TTC39C: variants seen among roughly 807,000 people sequenced by gnomAD.
The protein encoded by TTC39C is tetratricopeptide repeat protein 39C.
TTC39C carries 33 observed loss-of-function variants against 76.3 expected under a neutral mutation model. That is an observed-to-expected ratio of 0.43 (90% CI 0.33 to 0.58). TTC39C has a LOEUF of 0.58. Ranked by LOEUF, TTC39C falls within the 20% of genes least tolerant of loss-of-function variation. TTC39C has a pLI of 0.04. For synonymous variants in TTC39C, 254 were observed against 260.6 expected (o/e 0.97, Z 0.24); for missense variants, 595 against 701.4 (o/e 0.85, Z 1.71).
At position 24,134,831 on chromosome 18, in the gene TTC39C, T is replaced by A. The variant is rs1478085210; in HGVS notation, c.*2257T>A. ...GCTTTTGAATCTTTTTCAAAACATTTATTTCTGCCTGCTTAAAAAAAATAC... is the reference window on the plus strand; with the variant it reads ...GCTTTTGAATCTTTTTCAAAACATTAATTTCTGCCTGCTTAAAAAAAATAC... On this transcript the variant is annotated 3_prime_UTR_variant, in exon 14 of 14. Coordinates refer to ENST00000317571, the MANE Select transcript of TTC39C (RefSeq NM_001135993.2). 6.6e-6 allele frequency: 1 copy of A among 152,194 alleles called. No individual in the cohort carries two copies. Among genetic ancestry groups the A allele is most frequent in the Non-Finnish European group, 1.5e-5 (1 of 68,034 alleles). The allele number at this position is 152,194 out of a possible 1,614,324, so 9.4% of individuals were successfully genotyped here. A position where few individuals can be genotyped will look rare whatever the true frequency, so the allele number is the denominator to read the frequency against.
chr18:24,114,646 T>C lies in TTC39C; in HGVS notation c.1077T>C (p.Ile359=). 6.2e-7 allele frequency: 1 copy of C among 1,606,940 alleles called. No individual in the cohort carries two copies. The highest frequency in any genetic ancestry group is 8.5e-7 in the Non-Finnish European group (1 of 1,173,802). Residue 359 remains isoleucine, a splice_region_variant and synonymous_variant, in exon 7 of 14, where the codon ATT becomes ATC. Transcript: ENST00000317571. The part of the protein sequence containing the change: ...REIQHVCLYE[I]GWCSMIELNF... ...TTCAACATGTCTGTCTGTATGAAAT[T>C]GGTAAATATGAAATGTCTGTCCAGC... is the stretch of plus-strand genomic sequence containing the variant.
chr18:24,082,350 A>C (rs2084387701), intron 5 of TTC39C, among the ~76,000 whole-genome samples: 2 of 151,932 alleles, frequency 1.3e-5, no homozygotes, highest in Admixed American at 1.3e-4. Flanking sequence ...ACTTAGTATA[A>C]TTTGTGTCTG....
At chr18:24,010,745 G>T (rs2083388129), upstream of TTC39C, among the ~76,000 whole-genome samples, 1 of 152,186 alleles carries the variant, frequency 6.6e-6, no homozygotes, top group South Asian at 2.1e-4. Context: ...TTCTTCGAAT[G>T]CATTTAAAGT....
At chr18:24,048,748 A>T (rs2083915958) in intron 1 of TTC39C, among the ~76,000 whole-genome samples, 1 of 152,214 alleles carries the variant, frequency 6.6e-6, no homozygotes, top group Non-Finnish European at 1.5e-5. Flanking sequence ...ACGTTTTCAT[A>T]GGAAGTAGCA....
chr18:24,118,218 C>G lies in TTC39C; in HGVS notation c.1172C>G (p.Ala391Gly). 2 of 1,613,230 alleles carry G rather than the reference C, an allele frequency of 1.2e-6. No homozygotes were observed. The highest frequency in any genetic ancestry group is 1.7e-6 in the Non-Finnish European group (2 of 1,179,620). Residue 391 changes from alanine (A) to glycine (G), a missense_variant, in exon 8 of 14, where the codon GCC (alanine) becomes GGC (glycine). Ala to Gly is a moderately conservative substitution (Grantham distance 60). Coordinates refer to ENST00000317571, the MANE Select transcript of TTC39C (RefSeq NM_001135993.2). Reference sequence around the variant, plus strand: ...TCCAGGTGGTCCCAGTGCTATTATGCCTACTTGACTGCAGGTGAGTCGCCC... The same window carrying G: ...TCCAGGTGGTCCCAGTGCTATTATGGCTACTTGACTGCAGGTGAGTCGCCC... ...NESRWSQCYY[A>G]YLTAVCQGAT...
At chr18:24,094,032 A>G (rs547847204) in intron 6 of TTC39C, among the ~76,000 whole-genome samples, 1 of 152,244 alleles carries the variant, frequency 6.6e-6, no homozygotes, top group Admixed American at 6.5e-5. Flanking sequence ...TTTTACCTAC[A>G]GTAGGACTTC....
chr18:24,113,516 C>T, intron 6 of TTC39C: 1 of 695,132 alleles, frequency 1.4e-6, no homozygotes, highest in East Asian at 2.7e-5. Context: ...GCAGGAGACG[C>T]ACCTGGAAGC....
chr18:23,999,604 TG>T (rs201582553), intron 1 of TTC39C, among the ~76,000 whole-genome samples: 2 of 98,152 alleles, frequency 2.0e-5, no homozygotes, highest in Admixed American at 9.2e-5. Context: ...GAACAGCCGG[TG>T]CCCTGTGCTA....
At chr18:24,051,212 GTCTT>G (rs760854945) in intron 1 of TTC39C, among the ~76,000 whole-genome samples, 65 of 152,156 alleles carry the variant, frequency 4.3e-4, no homozygotes, top group Non-Finnish European at 8.2e-4. Flanking sequence ...GGCCCCAAAA[GTCTT>G]CCCATCCCCT....
intron 6 of TTC39C, among the ~76,000 whole-genome samples, chr18:24,101,260 A>C (rs1405074318): frequency 6.7e-6 from 1 of 149,730 alleles, no homozygotes; most frequent in East Asian, 2.0e-4. Context: ...AAAACTAACT[A>C]CCTGGGATTA....
At chr18:24,020,234 C>T in intron 1 of TTC39C, 1 of 1,060,288 alleles carries the variant, frequency 9.4e-7, no homozygotes, top group Non-Finnish European at 1.1e-6. Context: ...ATCTTTTTTC[C>T]CCCAACTATT....
At position 24,015,096 on chromosome 18, in the gene TTC39C, C is replaced by T. The variant is rs899090300; in HGVS notation, c.167+58C>T. On this transcript the variant is annotated intron_variant, in intron 1 of 13. Transcript: ENST00000317571. The stretch of plus-strand genomic sequence containing the variant: ...CAGCGCGCACCTCGTGTCCGGCTCA[C>T]GCGCCTCGACCTGCGGCCCCCGGGA... 1.9e-5 allele frequency: 26 copies of T among 1,354,516 alleles called. No homozygotes were observed. In the Admixed American group the frequency reaches 8.2e-4, roughly 43 times the overall value. The allele number at this position is 1,354,516 out of a possible 1,614,324, so 83.9% of individuals were successfully genotyped here.
In TTC39C at chr18:24,040,613, G is replaced by A. The variant is rs532792162; in HGVS notation, c.168-23527G>A. 3.4e-4 allele frequency among the ~76,000 whole-genome samples: 52 copies of A among 151,792 alleles called. 1 individual carries two copies. Among genetic ancestry groups the A allele is most frequent in the Non-Finnish European group, 1.0e-4 (7 of 67,960 alleles). On this transcript the variant is annotated intron_variant, in intron 1 of 13. Coordinates refer to ENST00000317571, the MANE Select transcript of TTC39C (RefSeq NM_001135993.2). The stretch of plus-strand genomic sequence containing the variant: ...ATATAACAATTTTTATATAACAAGG[G>A]CAATAGGAATAATCACATTTGGAAA...
intron 6 of TTC39C, among the ~76,000 whole-genome samples, chr18:24,109,176 CAAAAA>C (rs35872928): frequency 2.7e-5 from 2 of 73,898 alleles, no homozygotes; most frequent in African/African-American, 6.1e-5. Flanking sequence ...CCCGTCTCTA[CAAAAA>C]AAAAAAAAAA....
At chr18:24,088,081 A>G (rs773442303) in intron 6 of TTC39C, among the ~76,000 whole-genome samples, 2 of 152,234 alleles carry the variant, frequency 1.3e-5, no homozygotes, top group Non-Finnish European at 2.9e-5. Context: ...TTCTGAAGTC[A>G]GTTCCAAAGA....
chr18:23,996,143 C>T (rs114648216), intron 1 of TTC39C, among the ~76,000 whole-genome samples: 6 of 152,316 alleles, frequency 3.9e-5, no homozygotes, highest in Middle Eastern at 3.4e-3. Flanking sequence ...GTTTAGTTTA[C>T]ATTTCCATCA....
intron 1 of TTC39C, among the ~76,000 whole-genome samples, chr18:23,995,578 A>G (rs1599216440): frequency 6.6e-6 from 1 of 152,130 alleles, no homozygotes; most frequent in Admixed American, 6.5e-5. Flanking sequence ...TCAATAGTTC[A>G]TTCCTTTTTA....
At chr18:24,118,801 C>T (rs1195311298) in intron 8 of TTC39C, among the ~76,000 whole-genome samples, 1 of 151,744 alleles carries the variant, frequency 6.6e-6, no homozygotes, top group African/African-American at 2.4e-5. Context: ...TACAGGCATG[C>T]CCTACCACGC....
chr18:24,114,701 A>G, intron 7 of TTC39C, 54 bp downstream of exon 7: 1 of 1,406,420 alleles, frequency 7.1e-7, no homozygotes, highest in Non-Finnish European at 1.0e-6. Flanking sequence ...TTAATGCAGT[A>G]TTTTAGCTTT....
Sources: gnomAD v4.1 joint callset for allele counts (sites outside exome capture counted in the v4.1 genomes callset) on GRCh38, gnomAD v4.1.1 for gene constraint, MANE v1.5 for transcripts, NCBI Gene and HGNC (gene_info 2026-07-23, HGNC 2026-07-21) for gene names.